ABCA12: variants seen among roughly 807,000 people sequenced by gnomAD.
ABCA12 encodes ATP binding cassette subfamily A member 12.
ABCA12 carries 156 observed loss-of-function variants against 293.5 expected under a neutral mutation model. That is an observed-to-expected ratio of 0.53 (90% confidence interval 0.47 to 0.61). The LOEUF (loss-of-function observed/expected upper bound fraction) is 0.61. ABCA12 is among the 20% of genes least tolerant of loss of function. The pLI, the probability that ABCA12 is intolerant of heterozygous loss-of-function variation, is 0.00. For missense variants in ABCA12, 2,797 were observed against 3,090.2 expected (o/e 0.91, Z 2.25); for synonymous variants, 1,063 against 1,108.0 (o/e 0.96, Z 0.81).
At chr2:215,057,560 T>C (rs543763775) in intron 3 of ABCA12, among the ~76,000 whole-genome samples, 1 of 151,068 alleles carries the variant, frequency 6.6e-6, no homozygotes, top group Non-Finnish European at 1.5e-5. Flanking sequence ...CCCAGAGCCG[T>C]GTAACCCCTT....
At chr2:215,016,786 T>A (rs912241581) in intron 14 of ABCA12, among the ~76,000 whole-genome samples, 2 of 152,052 alleles carry the variant, frequency 1.3e-5, no homozygotes, top group African/African-American at 4.8e-5. Flanking sequence ...TGAACAGTAA[T>A]GCTCCTGTAG....
Position 214,953,929 on chromosome 2 carries a change from A to G in ABCA12, c.6572T>C (p.Val2191Ala). ...FEMNKLGAMF[V>A]ALVSQGTMFF... ...CATGGTGCCCTGAGAAACCAAAGCC[A>G]CAAACATTGCACCTAGTTTATTCAT... The change falls in exon 44 of 53, where the codon GTG becomes GCG. Residue 2191 changes from valine to alanine, a missense_variant. Val to Ala is a moderately conservative substitution (Grantham distance 64). Coordinates refer to ENST00000272895, the MANE Select transcript of ABCA12 (RefSeq NM_173076.3). The G allele has an allele frequency of 6.2e-7, 1 of 1,614,086 alleles. No homozygotes were observed. The highest frequency in any genetic ancestry group is 8.5e-7 in the Non-Finnish European group (1 of 1,179,976).
At chr2:215,042,931 G>C (rs1304098829) in intron 7 of ABCA12, among the ~76,000 whole-genome samples, 1 of 151,978 alleles carries the variant, frequency 6.6e-6, no homozygotes, top group Non-Finnish European at 1.5e-5. Context: ...ATAAAAATGA[G>C]ATTATGTAGT....
chr2:214,949,466 A>G (rs751089509), intron 45 of ABCA12, among the ~76,000 whole-genome samples: 2 of 151,880 alleles, frequency 1.3e-5, no homozygotes, highest in Non-Finnish European at 2.9e-5. Context: ...ATACCCCACA[A>G]ATAAGATCTG....
At chr2:214,937,003 T>C (rs1421668289) in intron 51 of ABCA12, among the ~76,000 whole-genome samples, 3 of 152,086 alleles carry the variant, frequency 2.0e-5, no homozygotes, top group Non-Finnish European at 2.9e-5. Context: ...AAATATATAA[T>C]TAATTGATGC....
chr2:215,102,518 G>T (rs1316830431), intron 2 of ABCA12, among the ~76,000 whole-genome samples: 1 of 152,212 alleles, frequency 6.6e-6, no homozygotes, highest in African/African-American at 2.4e-5. Flanking sequence ...AGAATTGCTT[G>T]AACCCAGGAG....
At chr2:215,050,509 A>C (rs1012303157) in intron 5 of ABCA12, among the ~76,000 whole-genome samples, 7 of 152,158 alleles carry the variant, frequency 4.6e-5, no homozygotes, top group African/African-American at 1.7e-4. Flanking sequence ...AATGTTGATC[A>C]TATTTACCAT....
In ABCA12 at chr2:214,980,572, C is replaced by T. The variant is rs1463500622; in HGVS notation, c.4651G>A (p.Glu1551Lys). The T allele has an allele frequency of 1.3e-5, 21 of 1,613,938 alleles. No homozygotes were observed. Among genetic ancestry groups the T allele is most frequent in the Non-Finnish European group, 1.7e-5 (20 of 1,180,002 alleles). The change falls in exon 31 of 53, where the codon GAG (glutamate) becomes AAG (lysine). Residue 1551 changes from glutamate to lysine, a missense_variant. Glu to Lys is a moderately conservative substitution (Grantham distance 56). Around this residue, in one of 3 missense-constraint regions of ABCA12, gnomAD observed 2,130 missense variants for 2,427.0 expected, o/e 0.88. Coordinates refer to ENST00000272895, the MANE Select transcript of ABCA12 (RefSeq NM_173076.3). ...CCACAGCACCTAAGCCCACCCTGCT[C>T]CAGGAAGGCGATGCGGTCACTCAGC... is the stretch of plus-strand genomic sequence containing the variant. ...EVLSDRIAFL[E>K]QGGLRCCGSP...
chr2:214,937,106 A>C (rs1214642458), intron 51 of ABCA12, among the ~76,000 whole-genome samples: 1 of 152,224 alleles, frequency 6.6e-6, no homozygotes, highest in Non-Finnish European at 1.5e-5. Context: ...GTCAACTTGG[A>C]AATCACAAAT....
chr2:214,966,310 C>T (rs529848424), intron 39 of ABCA12, among the ~76,000 whole-genome samples: 4 of 152,112 alleles, frequency 2.6e-5, no homozygotes, highest in South Asian at 2.1e-4. Context: ...CTAGGTGATG[C>T]GTTGATATGT....
chr2:214,974,956 T>C (rs1574954227), intron 34 of ABCA12, 92 bp from the exon 35 acceptor site: 5 of 1,178,934 alleles, frequency 4.2e-6, no homozygotes, highest in Non-Finnish European at 5.1e-6. Flanking sequence ...GTGCTGTATA[T>C]AGAAGGGTTT....
chr2:215,039,830 T>C (rs957569595), intron 7 of ABCA12, among the ~76,000 whole-genome samples: 1 of 151,824 alleles, frequency 6.6e-6, no homozygotes, highest in Admixed American at 6.6e-5. Flanking sequence ...ATATTTTAAC[T>C]CCATACATCC....
intron 2 of ABCA12, among the ~76,000 whole-genome samples, chr2:215,076,993 T>A (rs1559180615): frequency 6.6e-6 from 1 of 152,226 alleles, no homozygotes; most frequent in East Asian, 1.9e-4. Flanking sequence ...CATAAGAATG[T>A]TACACACTGA....
At position 214,974,998 on chromosome 2, in the gene ABCA12, T is replaced by C. The variant is rs1699478301; in HGVS notation, c.5382-134A>G. 6 of 801,780 alleles carry C rather than the reference T, an allele frequency of 7.5e-6. No homozygotes were observed. In the East Asian group the frequency reaches 1.7e-4, roughly 22 times the overall value. The allele number at this position is 801,780 out of a possible 1,614,324, so 49.7% of individuals were successfully genotyped here. ...TCTTTTTTGAGACAGAGTCTTGCCG[T>C]GTTGCCCAGGCTGGAGTGCAGTAGT... On this transcript the variant is annotated intron_variant, in intron 34 of 52. Transcript: ENST00000272895.
intron 39 of ABCA12, chr2:214,962,122 A>G (rs759345095): frequency 6.6e-6 from 1 of 152,218 alleles, no homozygotes; most frequent in Non-Finnish European, 1.5e-5. Flanking sequence ...ATGGAAAAAC[A>G]ATTTGCGCAA....
chr2:215,033,492 G>T (rs1487674387), intron 8 of ABCA12, among the ~76,000 whole-genome samples: 1 of 152,078 alleles, frequency 6.6e-6, no homozygotes, highest in Admixed American at 6.5e-5. Flanking sequence ...TGACCCTGAA[G>T]TTAAATAAAG....
intron 2 of ABCA12, among the ~76,000 whole-genome samples, chr2:215,106,505 G>A (rs968356374): frequency 6.6e-6 from 1 of 152,060 alleles, no homozygotes; most frequent in African/African-American, 2.4e-5. Context: ...CAAAAATCCA[G>A]GCTCCAGCAC....
intron 50 of ABCA12, among the ~76,000 whole-genome samples, chr2:214,940,041 T>G (rs1199857606): frequency 6.6e-6 from 1 of 152,180 alleles, no homozygotes; most frequent in Non-Finnish European, 1.5e-5. Context: ...TGTCTTGTGC[T>G]GGTTTTCAAA....
chr2:214,984,121 T>C (rs1417858438), intron 28 of ABCA12, among the ~76,000 whole-genome samples: 1 of 72,768 alleles, frequency 1.4e-5, no homozygotes, highest in Non-Finnish European at 2.6e-5. Context: ...TTTTGAGACG[T>C]AGTCTCACTC....
Sources: gnomAD v4.1 joint callset for allele counts (sites outside exome capture counted in the v4.1 genomes callset) on GRCh38, gnomAD v4.1.1 for gene constraint, gnomAD v4.1.1 regional missense constraint, MANE v1.5 for transcripts, NCBI Gene and HGNC (gene_info 2026-07-23, HGNC 2026-07-21) for gene names.